The following ZNF609 variants were observed in gnomAD, a reference collection of about 807,000 sequenced individuals.
ZNF609 encodes zinc finger protein 609.
In ZNF609, 11 loss-of-function variants were observed where a neutral mutation model predicts 109.5. The observed-to-expected ratio is 0.10, with a 90% CI of 0.06 to 0.17. The LOEUF (loss-of-function observed/expected upper bound fraction) is 0.17, where lower values mean the gene tolerates loss of function less well. Ranked by LOEUF, ZNF609 falls within the 10% of genes least tolerant of loss-of-function variation. ZNF609 has a pLI of 1.00. For missense variants in ZNF609, 1,559 were observed against 1,772.4 expected (o/e 0.88, Z 2.16); for synonymous variants, 646 against 662.0 (o/e 0.98, Z 0.37).
At chr15:64,474,714 C>T (rs1295485331) in intron 1 of ZNF609, among the ~76,000 whole-genome samples, 2 of 152,100 alleles carry the variant, frequency 1.3e-5, no homozygotes, top group Non-Finnish European at 2.9e-5. Flanking sequence ...GTGGGAGAGA[C>T]AATTAATGAA....
At chr15:64,677,803 C>G (rs1896828046) in intron 5 of ZNF609, among the ~76,000 whole-genome samples, 1 of 152,194 alleles carries the variant, frequency 6.6e-6, no homozygotes, top group African/African-American at 2.4e-5. Context: ...GGGGCAGCCT[C>G]TCCTATTTCA....
Position 64,483,521 on chromosome 15 carries a change from G to T in ZNF609, c.-127-15772G>T, listed in dbSNP as rs146625065. 1.4e-4 allele frequency among the ~76,000 whole-genome samples: 22 copies of T among 152,122 alleles called. No homozygotes were observed. The East Asian group carries it at 4.2e-3, about 29-fold the overall frequency. ...CCTGTCTCAACCTTCTGAGTAGCTG[G>T]GACTACAGATGCATACCACCACGCC... On this transcript the variant is annotated intron_variant, in intron 1 of 9. Coordinates refer to ENST00000326648, the MANE Select transcript of ZNF609 (RefSeq NM_015042.2).
At chr15:64,550,004 C>T (rs1177164516) in intron 2 of ZNF609, among the ~76,000 whole-genome samples, 1 of 152,038 alleles carries the variant, frequency 6.6e-6, no homozygotes, top group Non-Finnish European at 1.5e-5. Context: ...TGCTATATTG[C>T]CCAGGCTGGA....
At chr15:64,587,802 A>G (rs1481650796) in intron 2 of ZNF609, among the ~76,000 whole-genome samples, 1 of 152,054 alleles carries the variant, frequency 6.6e-6, no homozygotes, top group East Asian at 1.9e-4. Flanking sequence ...CTGATTGTCT[A>G]TGGATGTGGT....
rs114154819 is a variant in ZNF609 at position 64,678,638 on chromosome 15, A to G, written c.3769+156A>G. 6.7e-3 allele frequency among the ~76,000 whole-genome samples: 1,019 copies of G among 152,370 alleles called. 14 individuals carry two copies. Among genetic ancestry groups the G allele is most frequent in the African/African-American group, 0.024 (984 of 41,592 alleles). On this transcript the variant is annotated intron_variant, in intron 6 of 9. Transcript: ENST00000326648. ...TGAGTCATTCTGTGAGGTGGCCACC[A>G]TAACCCATAGTTCCTTGAATGACCC...
chr15:64,632,831 GTGGTGTGAT>G (rs58998925), intron 3 of ZNF609, among the ~76,000 whole-genome samples: 7,025 of 135,878 alleles, frequency 0.052, 543 homozygotes, highest in African/African-American at 0.19. Context: ...CTGGAGTGCA[GTGGTGTGAT>G]CAGTGGTGTG....
chr15:64,625,394 C>G (rs1028837013), intron 3 of ZNF609, among the ~76,000 whole-genome samples: 1 of 151,866 alleles, frequency 6.6e-6, no homozygotes, highest in Non-Finnish European at 1.5e-5. Flanking sequence ...GTGGCGTGTA[C>G]CTGTAATCCC....
intron 2 of ZNF609, among the ~76,000 whole-genome samples, chr15:64,547,569 C>T (rs1177875036): frequency 6.6e-6 from 1 of 152,018 alleles, no homozygotes; most frequent in African/African-American, 2.4e-5. Flanking sequence ...CTGGCTCTGG[C>T]TCATAAGAAG....
chr15:64,676,330 C>T, intron 5 of ZNF609, 74 bp downstream of exon 5: 1 of 1,416,862 alleles, frequency 7.1e-7, no homozygotes, highest in Non-Finnish European at 9.5e-7. Context: ...AAGGGCTGTC[C>T]TTATACAGGG....
intron 2 of ZNF609, among the ~76,000 whole-genome samples, chr15:64,607,891 C>T (rs372947652): frequency 1.3e-3 from 7 of 5,436 alleles, no homozygotes; most frequent in Non-Finnish European, 1.6e-3. Flanking sequence ...TCTTTCTTTT[C>T]TTTCTTTTTT....
intron 2 of ZNF609, among the ~76,000 whole-genome samples, chr15:64,552,807 CCTGA>C (rs1458612635): frequency 2.0e-5 from 3 of 152,156 alleles, no homozygotes; most frequent in Non-Finnish European, 2.9e-5. Flanking sequence ...TGCAACCGTG[CCTGA>C]CTAATTTTTT....
intron 2 of ZNF609, among the ~76,000 whole-genome samples, chr15:64,553,884 C>T (rs930649064): frequency 5.3e-5 from 8 of 152,182 alleles, no homozygotes; most frequent in African/African-American, 1.9e-4. Context: ...AGGCATGAGC[C>T]ACCACGCCTG....
At chr15:64,592,204 T>C (rs1215887865) in intron 2 of ZNF609, among the ~76,000 whole-genome samples, 1 of 152,202 alleles carries the variant, frequency 6.6e-6, no homozygotes, top group Non-Finnish European at 1.5e-5. Flanking sequence ...CAGCCTTGTT[T>C]ATACAAGTGA....
At chr15:64,540,689 A>G (rs539190798) in intron 2 of ZNF609, among the ~76,000 whole-genome samples, 1 of 150,884 alleles carries the variant, frequency 6.6e-6, no homozygotes, top group Non-Finnish European at 1.5e-5. Flanking sequence ...CAGGTGTGAG[A>G]TACCGTGTCC....
chr15:64,631,381 G>A lies in ZNF609; in HGVS notation c.973+8329G>A, dbSNP rs114710175. 1.8e-4 allele frequency: 127 copies of A among 725,460 alleles called. 1 individual carries two copies. The highest frequency in any genetic ancestry group is 1.1e-3 in the African/African-American group (61 of 58,042). The allele number at this position is 725,460 out of a possible 1,614,324, so 44.9% of individuals were successfully genotyped here. ...GTTTGTTTACAACAATGCCAACAGCGTGCTGGGGGACACTGTAGACTCTTC... is the reference window on the plus strand; with the variant it reads ...GTTTGTTTACAACAATGCCAACAGCATGCTGGGGGACACTGTAGACTCTTC... On this transcript the variant is annotated intron_variant, in intron 3 of 9. Coordinates refer to ENST00000326648, the MANE Select transcript of ZNF609 (RefSeq NM_015042.2).
At chr15:64,616,812 CTTTT>C (rs56338576) in intron 2 of ZNF609, among the ~76,000 whole-genome samples, 1 of 32,828 alleles carries the variant, frequency 3.0e-5, no homozygotes. Context: ...AGCCACCATG[CTTTT>C]TTTTTTTTTT....
At chr15:64,633,764 C>A (rs1027727335) in intron 3 of ZNF609, among the ~76,000 whole-genome samples, 1 of 151,678 alleles carries the variant, frequency 6.6e-6, no homozygotes, top group Non-Finnish European at 1.5e-5. Flanking sequence ...GCCTGTAATC[C>A]CAGCTACTCG....
Position 64,573,346 on chromosome 15 carries a change from CTTTTTTTTTT to C in ZNF609, c.748-49464_748-49455del, listed in dbSNP as rs71133442. On this transcript the variant is annotated intron_variant, in intron 2 of 9. Transcript: ENST00000326648. ...GCAGTAGAGTTAGTGGCCCAACTTT[CTTTTTTTTTT>C]TTTTTTTTTTTTTTTTGAGACGGAG... 1.5e-4 allele frequency among the ~76,000 whole-genome samples: 11 copies of C among 72,978 alleles called. No individual in the cohort carries two copies. In the South Asian group the frequency reaches 1.7e-3, roughly 11 times the overall value. 47.9% of individuals were successfully genotyped at this position (72,978 alleles called of 152,430 possible). A position where few individuals can be genotyped will look rare whatever the true frequency, so the allele number is the denominator to read the frequency against.
chr15:64,476,407 G>A (rs80044476), intron 1 of ZNF609, among the ~76,000 whole-genome samples: 3,171 of 152,220 alleles, frequency 0.021, 119 homozygotes, highest in African/African-American at 0.07. Flanking sequence ...AGCAGGATAA[G>A]GAGAATTGGG....
Sources: gnomAD v4.1 joint callset for allele counts (sites outside exome capture counted in the v4.1 genomes callset) on GRCh38, gnomAD v4.1.1 for gene constraint, MANE v1.5 for transcripts, NCBI Gene and HGNC (gene_info 2026-07-23, HGNC 2026-07-21) for gene names.